Variants in FHIP1A observed in about 807,000 individuals in gnomAD.
FHIP1A encodes FHF complex subunit HOOK interacting protein 1A.
A neutral mutation model predicts 88.6 loss-of-function variants in FHIP1A; 61 were observed. The ratio of observed to expected loss-of-function variants is 0.69; its 90% CI spans 0.56 to 0.85. FHIP1A has a LOEUF of 0.85. Ranked by LOEUF, FHIP1A falls within the 40% of genes least tolerant of loss-of-function variation. The pLI is 0.00. For synonymous variants in FHIP1A, 478 were observed against 496.0 expected, an observed-to-expected ratio of 0.96 and a Z score of 0.48; for missense variants, 1,154 against 1,273.5, an observed-to-expected ratio of 0.91 and a Z score of 1.43.
chr4:151,459,533 T>C (rs1197110255), intron 2 of FHIP1A, among the ~76,000 whole-genome samples: 3 of 152,308 alleles, frequency 2.0e-5, no homozygotes, highest in Middle Eastern at 3.4e-3. Context: ...TAAATACTTA[T>C]GTAAGCAGCA....
intron 7 of FHIP1A, among the ~76,000 whole-genome samples, chr4:151,623,505 C>T (rs570234760): frequency 9.4e-5 from 14 of 148,844 alleles, no homozygotes; most frequent in East Asian, 5.9e-4. Flanking sequence ...CCAACACTCC[C>T]GCTGACTTCC....
chr4:151,505,128 A>T (rs1730787677), intron 3 of FHIP1A, among the ~76,000 whole-genome samples: 1 of 152,050 alleles, frequency 6.6e-6, no homozygotes, highest in African/African-American at 2.4e-5. Flanking sequence ...TATCCTAAAA[A>T]CGTAAATGTC....
chr4:151,584,169 C>T (rs1378471170), intron 5 of FHIP1A, among the ~76,000 whole-genome samples: 1 of 152,108 alleles, frequency 6.6e-6, no homozygotes, highest in Non-Finnish European at 1.5e-5. Flanking sequence ...GCTCCTATAC[C>T]ATCTCCCCAA....
intron 2 of FHIP1A, among the ~76,000 whole-genome samples, chr4:151,464,379 C>T (rs1475700565): frequency 6.6e-6 from 1 of 152,172 alleles, no homozygotes; most frequent in Non-Finnish European, 1.5e-5. Flanking sequence ...AGCTGAACTT[C>T]TGGTTTAGAG....
At chr4:151,530,708 G>A (rs1378751631) in intron 3 of FHIP1A, among the ~76,000 whole-genome samples, 4 of 152,104 alleles carry the variant, frequency 2.6e-5, no homozygotes. Flanking sequence ...CTCTTTGGTG[G>A]CGTTGTAGTG....
chr4:151,559,276 TTTTA>T (rs1377050155), intron 3 of FHIP1A, among the ~76,000 whole-genome samples: 3 of 152,284 alleles, frequency 2.0e-5, no homozygotes, highest in Middle Eastern at 3.4e-3. Flanking sequence ...GTCCTTTTCC[TTTTA>T]TTTAAGTTGT....
At chr4:151,564,591 T>C (rs1311076013) in intron 3 of FHIP1A, among the ~76,000 whole-genome samples, 1 of 152,194 alleles carries the variant, frequency 6.6e-6, no homozygotes, top group Non-Finnish European at 1.5e-5. Context: ...CAAAGGACTA[T>C]GGTTGCCACT....
intron 3 of FHIP1A, among the ~76,000 whole-genome samples, chr4:151,484,022 C>T (rs577975028): frequency 6.6e-6 from 1 of 152,168 alleles, no homozygotes; most frequent in African/African-American, 2.4e-5. Flanking sequence ...TTCTTAAATT[C>T]GGGATTTGAC....
chr4:151,643,718 TTAACA>T (rs2126899262), intron 9 of FHIP1A, among the ~76,000 whole-genome samples: 1 of 152,340 alleles, frequency 6.6e-6, no homozygotes, highest in Non-Finnish European at 1.5e-5. Context: ...CTTATTTCAC[TTAACA>T]TAATAACCTC....
At chr4:151,488,372 T>A (rs973547223) in intron 3 of FHIP1A, among the ~76,000 whole-genome samples, 2 of 152,190 alleles carry the variant, frequency 1.3e-5, no homozygotes, top group African/African-American at 4.8e-5. Context: ...TTCCCACTTA[T>A]AAGTGAGAAC....
intron 11 of FHIP1A, among the ~76,000 whole-genome samples, chr4:151,654,774 G>C (rs1011797019): frequency 6.6e-6 from 1 of 152,160 alleles, no homozygotes; most frequent in African/African-American, 2.4e-5. Context: ...CCAGTTGTTT[G>C]TTAAGCATCT....
At chr4:151,500,883 CACCAGCAT>C (rs2126662253) in intron 3 of FHIP1A, among the ~76,000 whole-genome samples, 1 of 152,298 alleles carries the variant, frequency 6.6e-6, no homozygotes, top group East Asian at 1.9e-4. Context: ...ACCACGGACA[CACCAGCAT>C]ATACTTTTAT....
At position 151,662,545 on chromosome 4, in the gene FHIP1A, T is replaced by G; in HGVS notation, c.2914T>G (p.Leu972Val). The G allele has an allele frequency of 1.3e-6, 2 of 1,549,576 alleles. No individual in the cohort carries two copies. Among genetic ancestry groups the G allele is most frequent in the Non-Finnish European group, 1.7e-6 (2 of 1,145,836 alleles). The part of the protein sequence containing the change: ...ASRTGSGKNL[L>V]DGPPRVLQPF... ...CAGGACAGGAAGTGGCAAGAACCTT[T>G]TGGATGGACCTCCAAGAGTGCTTCA... is the stretch of plus-strand genomic sequence containing the variant. The change falls in exon 14 of 14, where the codon TTG (leucine) becomes GTG (valine). Residue 972 changes from leucine (L) to valine (V), a missense_variant. Physicochemically the swap from Leu to Val is conservative, Grantham distance 32 (BLOSUM62 1). Coordinates refer to ENST00000435205, the MANE Select transcript of FHIP1A (RefSeq NM_001109977.3).
chr4:151,578,868 T>A (rs1733918739), intron 5 of FHIP1A, among the ~76,000 whole-genome samples: 1 of 152,170 alleles, frequency 6.6e-6, no homozygotes, highest in South Asian at 2.1e-4. Flanking sequence ...AGCAGGTGAA[T>A]AGACAAATAA....
intron 7 of FHIP1A, among the ~76,000 whole-genome samples, chr4:151,612,111 A>C (rs1190421780): frequency 6.6e-6 from 1 of 152,222 alleles, no homozygotes; most frequent in East Asian, 1.9e-4. Flanking sequence ...GCTTATGCTC[A>C]CATCATGTCA....
At chr4:151,588,987 G>A in intron 7 of FHIP1A, 61 bp downstream of exon 7, 1 of 1,065,920 alleles carries the variant, frequency 9.4e-7, no homozygotes, top group Non-Finnish European at 1.4e-6. Context: ...CACTGAGGAG[G>A]GTAAACACAG....
chr4:151,561,046 A>T (rs1306714601), intron 3 of FHIP1A, among the ~76,000 whole-genome samples: 4 of 152,120 alleles, frequency 2.6e-5, no homozygotes, highest in Non-Finnish European at 1.5e-5. Flanking sequence ...CATAGTTGGT[A>T]GCCTGTTCTT....
chr4:151,566,389 T>A (rs766284594), intron 4 of FHIP1A, 25 bp downstream of exon 4: 1 of 1,446,366 alleles, frequency 6.9e-7, no homozygotes, highest in South Asian at 1.2e-5. Context: ...CCACTTTTTT[T>A]GCTGGTCTCA....
chr4:151,603,365 G>A (rs1049850094), intron 7 of FHIP1A, among the ~76,000 whole-genome samples: 1 of 151,900 alleles, frequency 6.6e-6, no homozygotes, highest in Non-Finnish European at 1.5e-5. Context: ...AACCCCTGGG[G>A]CTTCTGACTC....
Sources: gnomAD v4.1 joint callset for allele counts (sites outside exome capture counted in the v4.1 genomes callset) on GRCh38, gnomAD v4.1.1 for gene constraint, MANE v1.5 for transcripts, NCBI Gene and HGNC (gene_info 2026-07-23, HGNC 2026-07-21) for gene names.